Variants in CLCN5 observed in about 807,000 individuals in gnomAD.
CLCN5 encodes the protein Cl-/H+ antiporter 5.
Under a neutral mutation model 54.0 loss-of-function variants are expected in CLCN5, and 17 were observed. That is an observed-to-expected ratio of 0.31 (90% CI 0.22 to 0.47). The LOEUF (loss-of-function observed/expected upper bound fraction) is 0.47, where lower values mean the gene tolerates loss of function less well. Ranked by LOEUF, CLCN5 falls within the 20% of genes least tolerant of loss-of-function variation. The probability of loss-of-function intolerance (pLI) is 1.00; values close to 1 mark genes in which losing one functional copy is unlikely to be tolerated. For synonymous variants in CLCN5, 222 were observed against 233.0 expected (o/e 0.95, Z 0.43); for missense variants, 448 against 646.7 (o/e 0.69, Z 3.33).
chrX:49,999,915 A>G (rs1929717346), intron 3 of CLCN5, among the ~76,000 whole-genome samples: 2 of 111,543 alleles, frequency 1.8e-5, no homozygotes, highest in Non-Finnish European at 1.9e-5. Context: ...CATTGTAAAA[A>G]TAGTATGAAA....
chrX:50,059,840 A>G (rs535407613), intron 4 of CLCN5, among the ~76,000 whole-genome samples: 43 of 109,156 alleles, frequency 3.9e-4, no homozygotes, highest in Middle Eastern at 4.6e-3. Flanking sequence ...TTAAAAGTCA[A>G]TAACGTGGCA....
intron 4 of CLCN5, among the ~76,000 whole-genome samples, chrX:50,066,201 G>A (rs1933012356): frequency 3.8e-5 from 3 of 78,068 alleles, no homozygotes; most frequent in African/African-American, 1.8e-4. Context: ...AAATTCCAGA[G>A]CAAAAAAAAA....
At chrX:50,067,789 T>C in intron 4 of CLCN5, 1 of 680,361 alleles carries the variant, frequency 1.5e-6, no homozygotes, top group Non-Finnish European at 1.7e-6. Flanking sequence ...GACCAAGGAC[T>C]GAAGCATGCC....
intron 3 of CLCN5, among the ~76,000 whole-genome samples, chrX:49,938,321 A>G (rs1238174082): frequency 5.4e-5 from 6 of 111,918 alleles, no homozygotes; most frequent in African/African-American, 1.6e-4. Flanking sequence ...AAAAGAGCCC[A>G]CATTGCCAAG....
At chrX:50,081,245 G>C (rs1487984253) in intron 8 of CLCN5, among the ~76,000 whole-genome samples, 1 of 109,348 alleles carries the variant, frequency 9.1e-6, no homozygotes, top group Non-Finnish European at 1.9e-5. Context: ...TTAAGCCAGG[G>C]AATCAAGACT....
At chrX:49,961,843 G>A (rs781857136) in intron 3 of CLCN5, among the ~76,000 whole-genome samples, 14 of 111,557 alleles carry the variant, frequency 1.3e-4, no homozygotes, top group East Asian at 2.8e-4. Context: ...AATCTCCAGC[G>A]AAATCATTTC....
intron 8 of CLCN5, 69 bp downstream of exon 8, chrX:50,080,785 G>A: frequency 2.2e-6 from 2 of 897,524 alleles, no homozygotes; most frequent in Non-Finnish European, 3.2e-6. Flanking sequence ...CTCTTAATAT[G>A]TATTCCAGCA....
intron 3 of CLCN5, among the ~76,000 whole-genome samples, chrX:49,981,331 CTAATT>C (rs1928718743): frequency 9.0e-6 from 1 of 111,545 alleles, no homozygotes; most frequent in Non-Finnish European, 1.9e-5. Flanking sequence ...GAATCTTATT[CTAATT>C]TCTGATTTCA....
intron 3 of CLCN5, among the ~76,000 whole-genome samples, chrX:49,945,604 G>GTTTT (rs1162822439): frequency 7.0e-5 from 5 of 71,132 alleles, no homozygotes; most frequent in East Asian, 4.7e-4. Flanking sequence ...CGCCCAGCTA[G>GTTTT]TTTTTTTTTT....
chrX:50,067,342 AT>A (rs1557191027), intron 4 of CLCN5, among the ~76,000 whole-genome samples: 1 of 111,311 alleles, frequency 9.0e-6, no homozygotes, highest in Non-Finnish European at 1.9e-5. Context: ...GTAACTCTAA[AT>A]TCTTTTGGAT....
chrX:49,993,283 A>G (rs1557179236), intron 3 of CLCN5, among the ~76,000 whole-genome samples: 2 of 112,190 alleles, frequency 1.8e-5, no homozygotes, highest in Admixed American at 1.9e-4. Flanking sequence ...ACCTGAATTC[A>G]AGGGGGAAAA....
At chrX:50,030,731 T>C (rs1388826469) in intron 3 of CLCN5, among the ~76,000 whole-genome samples, 1 of 112,309 alleles carries the variant, frequency 8.9e-6, no homozygotes, top group Non-Finnish European at 1.9e-5. Flanking sequence ...AATTTAAAAA[T>C]CAATTCCTGA....
chrX:50,023,196 C>T (rs1931205326), intron 3 of CLCN5, among the ~76,000 whole-genome samples: 1 of 75,857 alleles, frequency 1.3e-5, no homozygotes, highest in Admixed American at 1.4e-4. Context: ...GGATAGTTAG[C>T]TCCTCTTGTT....
At chrX:50,091,905 A>G (rs1347008189) in intron 14 of CLCN5, among the ~76,000 whole-genome samples, 2 of 111,763 alleles carry the variant, frequency 1.8e-5, no homozygotes, top group African/African-American at 3.3e-5. Flanking sequence ...AGGAAATCGC[A>G]GGGTCTGAGA....
intron 3 of CLCN5, among the ~76,000 whole-genome samples, chrX:49,986,030 T>C (rs1335404065): frequency 8.9e-6 from 1 of 112,221 alleles, no homozygotes. Context: ...TTAATTTATC[T>C]TGTGGCTTTG....
At chrX:50,018,812 C>G (rs782339454) in intron 3 of CLCN5, among the ~76,000 whole-genome samples, 1 of 112,094 alleles carries the variant, frequency 8.9e-6, no homozygotes, top group South Asian at 3.7e-4. Flanking sequence ...CCCACTTGGT[C>G]ATGATGTACA....
intron 3 of CLCN5, among the ~76,000 whole-genome samples, chrX:50,006,673 C>A (rs1038238906): frequency 1.8e-5 from 2 of 111,788 alleles, no homozygotes; most frequent in African/African-American, 6.5e-5. Context: ...TCTCTTTAAT[C>A]CTTGATACTG....
intron 3 of CLCN5, among the ~76,000 whole-genome samples, chrX:50,005,189 A>ATGT (rs1557181224): frequency 8.9e-6 from 1 of 111,773 alleles, no homozygotes; most frequent in Non-Finnish European, 1.9e-5. Context: ...TGTAGTTTAC[A>ATGT]TGTTCCTTCT....
intron 3 of CLCN5, among the ~76,000 whole-genome samples, chrX:49,985,233 T>G (rs782271111): frequency 1.8e-5 from 2 of 111,463 alleles, no homozygotes; most frequent in Non-Finnish European, 3.8e-5. Flanking sequence ...TGTATTTTAA[T>G]TAGTTCTTTA....
Sources: allele counts gnomAD v4.1 joint callset (sites outside exome capture counted in the v4.1 genomes callset), GRCh38; gene constraint gnomAD v4.1.1; transcripts MANE v1.5; gene names NCBI Gene and HGNC (gene_info 2026-07-23, HGNC 2026-07-21).